Variants in PBRM1 observed in about 807,000 individuals in gnomAD.
PBRM1 encodes polybromo 1.
In PBRM1, 27 loss-of-function variants were observed where a neutral mutation model predicts 194.5. The ratio of observed to expected loss-of-function variants is 0.14; its 90% CI spans 0.10 to 0.19. PBRM1 has a LOEUF of 0.19. PBRM1 is among the 10% of genes least tolerant of loss of function. PBRM1 has a pLI of 1.00. For synonymous variants in PBRM1, 655 were observed against 693.2 expected (o/e 0.94, Z 0.87); for missense variants, 1,466 against 2,077.2 (o/e 0.71, Z 5.72).
At chr3:52,610,037 C>T (rs1445858040) in intron 15 of PBRM1, 82 bp from the exon 18 acceptor site, 10 of 794,374 alleles carry the variant, frequency 1.3e-5, no homozygotes, top group Non-Finnish European at 1.9e-5. Context: ...CCACAAGGGA[C>T]GATTCCAAGT....
chr3:52,593,099 A>G (rs1345018714), intron 17 of PBRM1, among the ~76,000 whole-genome samples: 2 of 151,988 alleles, frequency 1.3e-5, no homozygotes, highest in Non-Finnish European at 2.9e-5. Context: ...CAAAAAACCA[A>G]CTCCTAGATT....
At chr3:52,607,234 A>C (rs2094393550) in intron 16 of PBRM1, among the ~76,000 whole-genome samples, 1 of 152,150 alleles carries the variant, frequency 6.6e-6, no homozygotes, top group Admixed American at 6.5e-5. Flanking sequence ...TCACAATACT[A>C]TCTTTGTTCA....
intron 8 of PBRM1, among the ~76,000 whole-genome samples, chr3:52,643,680 T>C (rs924318236): frequency 2.3e-4 from 35 of 152,132 alleles, no homozygotes; most frequent in African/African-American, 8.2e-4. Context: ...TAGTTCAAGA[T>C]CACAGTCCTG....
chr3:52,607,149 G>A (rs1472293034), intron 16 of PBRM1, among the ~76,000 whole-genome samples: 2 of 152,174 alleles, frequency 1.3e-5, no homozygotes, highest in African/African-American at 4.8e-5. Context: ...TAAAGGCATA[G>A]TTTATCATTC....
At chr3:52,682,451 A>C (rs1362577354), upstream of PBRM1, among the ~76,000 whole-genome samples, 1 of 152,188 alleles carries the variant, frequency 6.6e-6, no homozygotes, top group East Asian at 1.9e-4. Flanking sequence ...TGAAAATCAA[A>C]TGACAAAAAA....
chr3:52,617,449 T>C, exon 14 of PBRM1: 1 of 1,613,408 alleles, frequency 6.2e-7, no homozygotes, highest in Non-Finnish European at 8.5e-7. Context: ...CATAAATAGG[T>C]CACAAAGTCT....
rs80092480 is a variant in PBRM1, at chr3:52,600,951, C to T, written c.2779+2570G>A. On this transcript the variant is annotated intron_variant, in intron 17 of 29. Coordinates refer to ENST00000296302, the Ensembl canonical transcript of PBRM1. Reference sequence around the variant, plus strand: ...CGTGCCCAGCCGCTAAATTACTTATCGACTGAAATCTATTGCTAGAGAATT... The same window carrying T: ...CGTGCCCAGCCGCTAAATTACTTATTGACTGAAATCTATTGCTAGAGAATT... Among the ~76,000 whole-genome samples, 734 of 152,232 alleles carry T rather than the reference C, an allele frequency of 4.8e-3. 54 individuals are homozygous for T. In the East Asian group the frequency reaches 0.13, roughly 26 times the overall value.
At chr3:52,578,067 C>T (rs2090147205) in intron 21 of PBRM1, among the ~76,000 whole-genome samples, 1 of 152,136 alleles carries the variant, frequency 6.6e-6, no homozygotes, top group South Asian at 2.1e-4. Context: ...TGGCTGTTCC[C>T]ACTGCCTGGA....
upstream of PBRM1, among the ~76,000 whole-genome samples, chr3:52,680,489 T>G (rs2097185200): frequency 6.6e-6 from 1 of 152,212 alleles, no homozygotes; most frequent in Non-Finnish European, 1.5e-5. Context: ...CGTACTCTAT[T>G]TAACTATAAC....
In PBRM1 at chr3:52,583,089, T is replaced by G. The variant is rs1261497989; in HGVS notation, c.3387+3336A>C. ...TCCAGCCTTGGGGACAGAGTGAGAC[T>G]CCATCTCAAAAAAAAAAAAAAAAAA... On this transcript the variant is annotated intron_variant, in intron 20 of 29. Transcript: ENST00000296302. Among the ~76,000 whole-genome samples, 5 of 72,590 alleles carry G rather than the reference T, an allele frequency of 6.9e-5. No homozygotes were observed. The Admixed American group carries it at 1.2e-3, about 17-fold the overall frequency. The allele number at this position is 72,590 out of a possible 152,430, so 47.6% of individuals were successfully genotyped here. A position where few individuals can be genotyped will look rare whatever the true frequency, so the allele number is the denominator to read the frequency against.
intron 4 of PBRM1, among the ~76,000 whole-genome samples, chr3:52,658,948 C>T (rs527547001): frequency 1.3e-3 from 193 of 152,232 alleles, no homozygotes; most frequent in African/African-American, 4.5e-3. Context: ...AAAGCATGTC[C>T]CATAATAGTT....
chr3:52,555,690 A>AGG (rs1481466353), intron 26 of PBRM1, among the ~76,000 whole-genome samples: 2 of 152,200 alleles, frequency 1.3e-5, no homozygotes, highest in Non-Finnish European at 2.9e-5. Flanking sequence ...TCCTCATATA[A>AGG]ACCTTAACAG....
intron 22 of PBRM1, among the ~76,000 whole-genome samples, chr3:52,573,580 C>T (rs2088249639): frequency 6.6e-6 from 1 of 152,182 alleles, no homozygotes; most frequent in African/African-American, 2.4e-5. Flanking sequence ...CAGGCATGAG[C>T]CACCATGCCC....
At chr3:52,669,277 C>T (rs1409183344) in intron 2 of PBRM1, among the ~76,000 whole-genome samples, 3 of 151,958 alleles carry the variant, frequency 2.0e-5, no homozygotes, top group African/African-American at 7.3e-5. Context: ...CAAAATTTGG[C>T]TTAGTGGTTA....
chr3:52,606,122 T>G (rs2153383579), intron 16 of PBRM1, among the ~76,000 whole-genome samples: 1 of 151,954 alleles, frequency 6.6e-6, no homozygotes, highest in African/African-American at 2.4e-5. Flanking sequence ...CCTCAACCTC[T>G]CGAGTAGCTG....
At chr3:52,576,040 A>G (rs2089492514) in intron 22 of PBRM1, among the ~76,000 whole-genome samples, 1 of 152,090 alleles carries the variant, frequency 6.6e-6, no homozygotes, top group Non-Finnish European at 1.5e-5. Context: ...CAGTCTGAGG[A>G]GCAGAAAGGA....
chr3:52,657,733 G>A (rs1021486770), intron 5 of PBRM1, among the ~76,000 whole-genome samples: 1 of 151,114 alleles, frequency 6.6e-6, no homozygotes, highest in African/African-American at 2.4e-5. Flanking sequence ...GCCTCCCAAA[G>A]TGCTGGGATT....
At chr3:52,633,716 T>C (rs1005543383) in intron 11 of PBRM1, among the ~76,000 whole-genome samples, 2 of 152,142 alleles carry the variant, frequency 1.3e-5, no homozygotes, top group African/African-American at 4.8e-5. Flanking sequence ...GAGTGCAAAG[T>C]GGTATCACAC....
chr3:52,576,702 G>A lies in PBRM1; in HGVS notation c.3534-4C>T, dbSNP rs1464358467. Reference sequence around the variant, plus strand: ...TCGAACCCATACTTTTTCAATTCTTGGGGAGGAAAATATATAAATTACATT... The same window carrying A: ...TCGAACCCATACTTTTTCAATTCTTAGGGAGGAAAATATATAAATTACATT... On this transcript the variant is annotated splice_polypyrimidine_tract_variant and splice_region_variant and intron_variant, in intron 21 of 29. Coordinates refer to ENST00000296302, the Ensembl canonical transcript of PBRM1. 6.3e-7 allele frequency: 1 copy of A among 1,585,642 alleles called. No individual in the cohort carries two copies.
Sources: gnomAD v4.1 joint callset for allele counts (sites outside exome capture counted in the v4.1 genomes callset) on GRCh38, gnomAD v4.1.1 for gene constraint, MANE v1.5 for transcripts, NCBI Gene and HGNC (gene_info 2026-07-23, HGNC 2026-07-21) for gene names.